FSTL4: variants seen among roughly 807,000 people sequenced by gnomAD.
FSTL4 encodes the protein follistatin like 4, also known as follistatin-related protein 4.
A neutral mutation model predicts 78.2 loss-of-function variants in FSTL4; 28 were observed. The ratio of observed to expected loss-of-function variants is 0.36; its 90% confidence interval spans 0.27 to 0.49. The LOEUF (loss-of-function observed/expected upper bound fraction) is 0.49. Among genes scored for constraint, FSTL4 ranks in the 20% least tolerant of loss-of-function variants. FSTL4 has a pLI of 0.98. For missense variants in FSTL4, 922 were observed against 1,084.9 expected, an observed-to-expected ratio of 0.85 and a Z score of 2.11; for synonymous variants, 422 against 440.5, an observed-to-expected ratio of 0.96 and a Z score of 0.53.
chr5:133,307,629 G>T (rs1012866041), intron 6 of FSTL4, among the ~76,000 whole-genome samples: 17 of 152,204 alleles, frequency 1.1e-4, no homozygotes, highest in African/African-American at 3.9e-4. Context: ...ATGGAACACT[G>T]ACTGTGAACC....
At chr5:133,432,319 A>G (rs913041870) in intron 3 of FSTL4, among the ~76,000 whole-genome samples, 1 of 152,234 alleles carries the variant, frequency 6.6e-6, no homozygotes, top group Non-Finnish European at 1.5e-5. Flanking sequence ...GCTAATGGAG[A>G]GAAATTCTCT....
chr5:133,279,944 C>T (rs1752973487), intron 6 of FSTL4, among the ~76,000 whole-genome samples: 1 of 152,188 alleles, frequency 6.6e-6, no homozygotes, highest in African/African-American at 2.4e-5. Context: ...AAGATGGAGG[C>T]AGACACTGGA....
intron 8 of FSTL4, among the ~76,000 whole-genome samples, chr5:133,232,047 G>C (rs192502756): frequency 1.3e-5 from 2 of 152,218 alleles, no homozygotes; most frequent in African/African-American, 4.8e-5. Flanking sequence ...ATCGCTACTT[G>C]TCTGAACTGT....
chr5:133,298,969 G>A (rs1037843801), intron 6 of FSTL4, among the ~76,000 whole-genome samples: 1 of 152,214 alleles, frequency 6.6e-6, no homozygotes, highest in Admixed American at 6.5e-5. Flanking sequence ...CTGCAGCCTG[G>A]GCATCTTGGT....
At chr5:133,318,310 A>G (rs1269535102) in intron 4 of FSTL4, among the ~76,000 whole-genome samples, 1 of 152,190 alleles carries the variant, frequency 6.6e-6, no homozygotes, top group Non-Finnish European at 1.5e-5. Context: ...TCAAGTCTGT[A>G]GAGCTACAGG....
intron 3 of FSTL4, among the ~76,000 whole-genome samples, chr5:133,404,393 C>A (rs949550649): frequency 6.6e-6 from 1 of 152,226 alleles, no homozygotes; most frequent in Non-Finnish European, 1.5e-5. Flanking sequence ...ATGAGGACAA[C>A]CACAATGCAT....
At chr5:133,239,485 C>T (rs964871179) in intron 7 of FSTL4, among the ~76,000 whole-genome samples, 1 of 152,234 alleles carries the variant, frequency 6.6e-6, no homozygotes, top group African/African-American at 2.4e-5. Context: ...ATACACCAAT[C>T]AGCACTCTGT....
At chr5:133,520,243 G>A (rs1004987947) in intron 3 of FSTL4, among the ~76,000 whole-genome samples, 2 of 152,122 alleles carry the variant, frequency 1.3e-5, no homozygotes, top group African/African-American at 4.8e-5. Flanking sequence ...ATTTGTCACA[G>A]GACACTGGAG....
At chr5:133,371,115 A>AT (rs1261162231) in intron 4 of FSTL4, among the ~76,000 whole-genome samples, 1 of 152,202 alleles carries the variant, frequency 6.6e-6, no homozygotes, top group African/African-American at 2.4e-5. Context: ...GGGATGGGGC[A>AT]TGGAGGGACA....
the FSTL4 span, among the ~76,000 whole-genome samples, chr5:133,764,285 G>A: frequency 6.6e-6 from 1 of 152,102 alleles, no homozygotes; most frequent in African/African-American, 2.4e-5. Flanking sequence ...CAGGCAGAGG[G>A]CTCTGGGATC....
intron 7 of FSTL4, among the ~76,000 whole-genome samples, chr5:133,234,995 G>C: frequency 6.6e-6 from 1 of 152,146 alleles, no homozygotes; most frequent in East Asian, 1.9e-4. Flanking sequence ...CCCTTTCTGA[G>C]CTCCCTTTTC....
intron 4 of FSTL4, among the ~76,000 whole-genome samples, chr5:133,353,967 G>A (rs1489418418): frequency 6.6e-6 from 1 of 152,198 alleles, no homozygotes; most frequent in Non-Finnish European, 1.5e-5. Context: ...CTGAGACTGG[G>A]GCAGAGGTCA....
intron 4 of FSTL4, among the ~76,000 whole-genome samples, chr5:133,379,532 C>T (rs1755516300): frequency 6.6e-6 from 1 of 152,082 alleles, no homozygotes; most frequent in Non-Finnish European, 1.5e-5. Flanking sequence ...TTTAAAAGAA[C>T]TGAAGTCACA....
intron 6 of FSTL4, among the ~76,000 whole-genome samples, chr5:133,304,588 G>A (rs559639671): frequency 4.6e-5 from 7 of 152,272 alleles, no homozygotes; most frequent in Admixed American, 2.6e-4. Flanking sequence ...TGCTCTGCAC[G>A]GAGGCCATTG....
the FSTL4 span, among the ~76,000 whole-genome samples, chr5:133,804,347 A>G: frequency 0.091 from 13,784 of 152,228 alleles, 713 homozygotes; most frequent in African/African-American, 0.14. Context: ...GATATAGTGC[A>G]GTGCCCACTA....
the FSTL4 span, among the ~76,000 whole-genome samples, chr5:133,672,782 G>C: frequency 6.6e-6 from 1 of 152,178 alleles, no homozygotes; most frequent in African/African-American, 2.4e-5. Context: ...AAGAGATTTG[G>C]AAGAATCAGC....
At chr5:133,743,653 A>G in the FSTL4 span, among the ~76,000 whole-genome samples, 93,603 of 152,168 alleles carry the variant, frequency 0.62, 29,636 homozygotes, top group East Asian at 0.93. Context: ...AATGGTAGCC[A>G]CTGCTATTTA....
the FSTL4 span, among the ~76,000 whole-genome samples, chr5:133,798,989 G>C: frequency 7.8e-6 from 1 of 127,442 alleles, no homozygotes; most frequent in African/African-American, 3.0e-5. Context: ...AGGGAGGGAG[G>C]AAGGGAGGGA....
At chr5:133,272,964 G>A (rs1000719816) in intron 6 of FSTL4, among the ~76,000 whole-genome samples, 1 of 152,232 alleles carries the variant, frequency 6.6e-6, no homozygotes, top group African/African-American at 2.4e-5. Context: ...TCCCCTTCTG[G>A]GAGCTTCTTG....
Sources: gnomAD v4.1 joint callset for allele counts (sites outside exome capture counted in the v4.1 genomes callset) on GRCh38, gnomAD v4.1.1 for gene constraint, MANE v1.5 for transcripts, NCBI Gene and HGNC (gene_info 2026-07-23, HGNC 2026-07-21) for gene names.